The following SH3PXD2B variants were observed in gnomAD, a reference collection of about 807,000 sequenced individuals.
The protein encoded by SH3PXD2B is SH3 and PX domains 2B.
SH3PXD2B carries 37 observed loss-of-function variants against 73.1 expected under a neutral mutation model. That is an observed-to-expected ratio of 0.51 (90% CI 0.39 to 0.67). The LOEUF (loss-of-function observed/expected upper bound fraction) is 0.67, where lower values mean the gene tolerates loss of function less well. Ranked by LOEUF, SH3PXD2B falls within the 30% of genes least tolerant of loss-of-function variation. The pLI is 0.00. For missense variants in SH3PXD2B, 1,053 were observed against 1,197.8 expected, an observed-to-expected ratio of 0.88 and a Z score of 1.78; for synonymous variants, 457 against 480.5, an observed-to-expected ratio of 0.95 and a Z score of 0.64.
chr5:172,424,052 G>C (rs1759037631), intron 1 of SH3PXD2B, among the ~76,000 whole-genome samples: 2 of 152,130 alleles, frequency 1.3e-5, no homozygotes, highest in South Asian at 2.1e-4. Flanking sequence ...ACTGGGGGTG[G>C]GGGGGAGCCT....
chr5:172,405,480 G>A (rs546635588), intron 3 of SH3PXD2B, among the ~76,000 whole-genome samples: 1 of 152,232 alleles, frequency 6.6e-6, no homozygotes, highest in African/African-American at 2.4e-5. Flanking sequence ...TGTTGGCTGG[G>A]AGATGGAGAG....
chr5:172,385,605 G>A (rs1016932546), intron 4 of SH3PXD2B, among the ~76,000 whole-genome samples: 7 of 152,354 alleles, frequency 4.6e-5, no homozygotes, highest in African/African-American at 1.7e-4. Flanking sequence ...GGAGACTTGG[G>A]TGGGTGTGGG....
chr5:172,439,690 G>GCACACACACACACACACACACA (rs1488784600), intron 1 of SH3PXD2B, among the ~76,000 whole-genome samples: 21 of 113,142 alleles, frequency 1.9e-4, no homozygotes, highest in Non-Finnish European at 3.2e-4. Context: ...GCGCACGCGC[G>GCACACACACACACACACACACA]CGCACACACA....
intron 2 of SH3PXD2B, among the ~76,000 whole-genome samples, chr5:172,411,493 CAT>C (rs1405040314): frequency 6.6e-6 from 1 of 152,178 alleles, no homozygotes; most frequent in Non-Finnish European, 1.5e-5. Context: ...TTAAATACTG[CAT>C]AGTCTAACCA....
chr5:172,419,371 C>T (rs868452423), intron 2 of SH3PXD2B, among the ~76,000 whole-genome samples: 2 of 151,824 alleles, frequency 1.3e-5, no homozygotes, highest in East Asian at 3.8e-4. Flanking sequence ...TACGTCCCCA[C>T]CTCCTCGGCA....
chr5:172,339,506 C>T lies in SH3PXD2B; in HGVS notation c.1599G>A (p.Glu533=), dbSNP rs184298693. 1 of 1,614,070 alleles carries T rather than the reference C, an allele frequency of 6.2e-7. No individual in the cohort carries two copies. Among genetic ancestry groups the T allele is most frequent in the Non-Finnish European group, 8.5e-7 (1 of 1,179,986 alleles). Reference sequence around the variant, plus strand: ...CCCGCTCCCGCTCCAGCAGCTCCCCCTCCGACTTGATGATGGATTCTTTCC... The same window carrying T: ...CCCGCTCCCGCTCCAGCAGCTCCCCTTCCGACTTGATGATGGATTCTTTCC... ...PPRKESIIKS[E]GELLERERER... is the part of the protein sequence containing the mutation. The change falls in exon 13 of 13, where the codon GAG becomes GAA. Residue 533 remains glutamate, a synonymous_variant. Transcript: ENST00000311601. This position sits in a 1 kb window ranked among gnomAD's most constrained non-coding sequence, Gnocchi z 6.1.
At chr5:172,386,965 T>C (rs1401026575) in intron 4 of SH3PXD2B, among the ~76,000 whole-genome samples, 1 of 152,192 alleles carries the variant, frequency 6.6e-6, no homozygotes, top group African/African-American at 2.4e-5. Context: ...CGAAGACATA[T>C]TGTTTTCAGA....
chr5:172,406,211 C>A (rs1711663770), intron 3 of SH3PXD2B, 66 bp downstream of exon 3: 1 of 1,550,954 alleles, frequency 6.4e-7, no homozygotes, highest in Non-Finnish European at 8.9e-7. Context: ...ATAAACTGTC[C>A]CAAGGGCTCT....
chr5:172,369,252 T>C (rs115297806), intron 6 of SH3PXD2B, among the ~76,000 whole-genome samples: 1 of 151,202 alleles, frequency 6.6e-6, no homozygotes. Context: ...GTTTTTTTTT[T>C]AAATATTTTT....
At chr5:172,348,905 G>T (rs1031652735) in intron 10 of SH3PXD2B, among the ~76,000 whole-genome samples, 5 of 151,896 alleles carry the variant, frequency 3.3e-5, no homozygotes, top group Non-Finnish European at 7.4e-5. Flanking sequence ...AGATAGGGGG[G>T]TCTCACTATG....
At chr5:172,391,734 G>A (rs1450588688) in intron 4 of SH3PXD2B, among the ~76,000 whole-genome samples, 2 of 152,236 alleles carry the variant, frequency 1.3e-5, no homozygotes, top group Non-Finnish European at 2.9e-5. Context: ...GCACTCCAAA[G>A]TGCTGGAATT....
At chr5:172,374,664 G>C (rs909785760) in intron 5 of SH3PXD2B, among the ~76,000 whole-genome samples, 1 of 152,214 alleles carries the variant, frequency 6.6e-6, no homozygotes, top group Non-Finnish European at 1.5e-5. Context: ...CTGGGTGACA[G>C]AGCAAGACTC....
intron 7 of SH3PXD2B, among the ~76,000 whole-genome samples, chr5:172,361,307 G>A (rs1757400004): frequency 6.6e-6 from 1 of 151,818 alleles, no homozygotes; most frequent in Non-Finnish European, 1.5e-5. Context: ...GTTGAAGCTG[G>A]TAGAAAAAAT....
At chr5:172,419,002 T>C (rs1057097123) in intron 2 of SH3PXD2B, among the ~76,000 whole-genome samples, 14 of 152,310 alleles carry the variant, frequency 9.2e-5, no homozygotes, top group African/African-American at 3.4e-4. Flanking sequence ...GAGGGACGGC[T>C]GACAGCTAAC....
rs539320171 is a variant in SH3PXD2B, at chr5:172,339,509, C to G, written c.1596G>C (p.Ser532=). Residue 532 remains serine, a synonymous_variant, in exon 13 of 13, where the codon TCG becomes TCC. Coordinates refer to ENST00000311601, the MANE Select transcript of SH3PXD2B (RefSeq NM_001017995.3). This position sits in a 1 kb window ranked among gnomAD's most constrained non-coding sequence, Gnocchi z 6.1. ...LPPRKESIIK[S]EGELLERERE... ...GCTCCCGCTCCAGCAGCTCCCCCTC[C>G]GACTTGATGATGGATTCTTTCCGCG... 1 of 1,614,062 alleles carries G rather than the reference C, an allele frequency of 6.2e-7. No individual in the cohort carries two copies. Among genetic ancestry groups the G allele is most frequent in the South Asian group, 1.1e-5 (1 of 91,086 alleles).
At position 172,337,820 on chromosome 5, in the gene SH3PXD2B, G is replaced by A; in HGVS notation, c.*549C>T. On this transcript the variant is annotated 3_prime_UTR_variant, in exon 13 of 13. Transcript: ENST00000311601. ...CACGGGCCTGAGGCTTTGGGGAAGG[G>A]GACACTTTCCCTGGAACTGGTAATG... The A allele has an allele frequency of 4.0e-6, 4 of 999,906 alleles. No homozygotes were observed. In the South Asian group the frequency reaches 1.3e-4, roughly 33 times the overall value. The allele number at this position is 999,906 out of a possible 1,614,324, so 61.9% of individuals were successfully genotyped here.
chr5:172,412,077 G>T (rs1292596082), intron 2 of SH3PXD2B, among the ~76,000 whole-genome samples: 2 of 152,146 alleles, frequency 1.3e-5, no homozygotes, highest in Non-Finnish European at 2.9e-5. Flanking sequence ...GCCCTTTTGG[G>T]ACTGGCATAT....
chr5:172,372,831 T>A (rs1381468568), intron 6 of SH3PXD2B, among the ~76,000 whole-genome samples: 1 of 152,138 alleles, frequency 6.6e-6, no homozygotes, highest in East Asian at 1.9e-4. Flanking sequence ...CCTGGCACCC[T>A]AGGAAATTAA....
At chr5:172,414,119 C>G (rs1758762307) in intron 2 of SH3PXD2B, among the ~76,000 whole-genome samples, 1 of 152,204 alleles carries the variant, frequency 6.6e-6, no homozygotes, top group East Asian at 1.9e-4. Flanking sequence ...AAAAAGTACA[C>G]TTGGGGCTGT....
Sources: gnomAD v4.1 joint callset for allele counts (sites outside exome capture counted in the v4.1 genomes callset) on GRCh38, gnomAD v4.1.1 for gene constraint, Gnocchi (gnomAD v3.1) non-coding constraint, MANE v1.5 for transcripts, NCBI Gene and HGNC (gene_info 2026-07-23, HGNC 2026-07-21) for gene names.